Variants in RFTN1 observed in about 807,000 individuals in gnomAD.
RFTN1 encodes the protein raftlin.
Under a neutral mutation model 46.5 loss-of-function variants are expected in RFTN1, and 26 were observed. The ratio of observed to expected loss-of-function variants is 0.56; its 90% CI spans 0.41 to 0.78. The LOEUF is 0.78. Ranked by LOEUF, RFTN1 falls within the 30% of genes least tolerant of loss-of-function variation. RFTN1 has a pLI of 0.00. For synonymous variants in RFTN1, 261 were observed against 284.2 expected (o/e 0.92, Z 0.82); for missense variants, 693 against 718.7 (o/e 0.96, Z 0.41).
chr3:16,409,888 T>C (rs1344534828), intron 3 of RFTN1, among the ~76,000 whole-genome samples: 1 of 152,064 alleles, frequency 6.6e-6, no homozygotes, highest in African/African-American at 2.4e-5. Context: ...GGTTTCACCA[T>C]GTTGGACAGG....
chr3:16,368,390 G>C (rs475961), intron 6 of RFTN1, among the ~76,000 whole-genome samples: 1 of 152,020 alleles, frequency 6.6e-6, no homozygotes, highest in Non-Finnish European at 1.5e-5. Context: ...ACGTATATTC[G>C]GCCGGGCACA....
chr3:16,455,914 A>T (rs750771153), intron 2 of RFTN1, among the ~76,000 whole-genome samples: 2 of 152,230 alleles, frequency 1.3e-5, no homozygotes, highest in Admixed American at 6.5e-5. Context: ...TCCTCATGGA[A>T]ATTAGAAGAT....
At chr3:16,354,057 G>A (rs1475052288) in intron 7 of RFTN1, among the ~76,000 whole-genome samples, 1 of 152,218 alleles carries the variant, frequency 6.6e-6, no homozygotes, top group Non-Finnish European at 1.5e-5. Context: ...AGAAACACTA[G>A]TCTACCTTGG....
Position 16,400,660 on chromosome 3 carries a change from G to A in RFTN1, c.441+8715C>T, listed in dbSNP as rs2074578071. 6.6e-6 allele frequency among the ~76,000 whole-genome samples: 1 copy of A among 152,030 alleles called. No individual in the cohort carries two copies. On this transcript the variant is annotated intron_variant, in intron 4 of 9. Coordinates refer to ENST00000334133, the MANE Select transcript of RFTN1 (RefSeq NM_015150.2). The surrounding 1 kb of genome is among the most constrained non-coding windows in gnomAD (Gnocchi z 4.5). Reference sequence around the variant, plus strand: ...AGCACAAGAAAGTATCTCCTTTTTTGGGGAGTGATTGAGACAAGCGTATGA... The same window carrying A: ...AGCACAAGAAAGTATCTCCTTTTTTAGGGAGTGATTGAGACAAGCGTATGA...
At chr3:16,411,935 G>A (rs967033184) in intron 3 of RFTN1, among the ~76,000 whole-genome samples, 2 of 152,196 alleles carry the variant, frequency 1.3e-5, no homozygotes, top group African/African-American at 4.8e-5. Flanking sequence ...AAGTTGGTCT[G>A]TAAGCAACTC....
chr3:16,350,400 G>T (rs1406710456), intron 7 of RFTN1: 1 of 152,158 alleles, frequency 6.6e-6, no homozygotes, highest in Non-Finnish European at 1.5e-5. Flanking sequence ...TCATGGATGG[G>T]CGTGGGCATT....
chr3:16,441,087 T>C (rs1454125584), intron 2 of RFTN1, among the ~76,000 whole-genome samples: 2 of 152,188 alleles, frequency 1.3e-5, no homozygotes, highest in Non-Finnish European at 2.9e-5. Flanking sequence ...AAGTTTAGAA[T>C]CACATGATTG....
rs144168963 is a variant in RFTN1 at position 16,380,750 on chromosome 3, C to A, written c.442-2648G>T. Among the ~76,000 whole-genome samples the A allele has an allele frequency of 8.5e-5, 13 of 152,322 alleles. No homozygotes were observed. The East Asian group carries it at 2.5e-3, about 29-fold the overall frequency. ...AATGCAGCCTGATGTTTGAGAATCA[C>A]TGCTCTAGAATACACATTTCATGAG... is the stretch of plus-strand genomic sequence containing the variant. On this transcript the variant is annotated intron_variant, in intron 4 of 9. Coordinates refer to ENST00000334133, the MANE Select transcript of RFTN1 (RefSeq NM_015150.2). This position sits in a 1 kb window ranked among gnomAD's most constrained non-coding sequence, Gnocchi z 4.8.
Position 16,394,549 on chromosome 3 carries a change from G to C in RFTN1, c.441+14826C>G, listed in dbSNP as rs561539369. On this transcript the variant is annotated intron_variant, in intron 4 of 9. Coordinates refer to ENST00000334133, the MANE Select transcript of RFTN1 (RefSeq NM_015150.2). ...GTTAGAAGTTAGAGAGGCTTCCCTT[G>C]GAAGGGGAGTGGGGAATTGTGGGCG... Among the ~76,000 whole-genome samples the C allele has an allele frequency of 2.2e-4, 33 of 152,310 alleles. No homozygotes were observed. In the East Asian group the frequency reaches 5.0e-3, roughly 23 times the overall value.
intron 6 of RFTN1, among the ~76,000 whole-genome samples, chr3:16,365,997 G>A (rs2073143569): frequency 6.6e-6 from 1 of 152,160 alleles, no homozygotes; most frequent in African/African-American, 2.4e-5. Flanking sequence ...CTGAAACAAA[G>A]AGGTGGAGGA....
At position 16,409,355 on chromosome 3, in the gene RFTN1, AC is replaced by A. The variant is rs1189130312; in HGVS notation, c.441+19del. On this transcript the variant is annotated intron_variant, in intron 4 of 9. Coordinates refer to ENST00000334133, the MANE Select transcript of RFTN1 (RefSeq NM_015150.2). Reference sequence around the variant, plus strand: ...AACACTCGCAAACCTCTTCAATGGTACCCTGACTGTAGCGCTCACCTTCTTA... The same window carrying A: ...AACACTCGCAAACCTCTTCAATGGTACCTGACTGTAGCGCTCACCTTCTTA... The A allele has an allele frequency of 1.2e-5, 18 of 1,521,466 alleles. No individual in the cohort carries two copies. The highest frequency in any genetic ancestry group is 1.6e-5 in the Non-Finnish European group (18 of 1,096,072). The allele number at this position is 1,521,466 out of a possible 1,614,324, so 94.2% of individuals were successfully genotyped here. A position where few individuals can be genotyped will look rare whatever the true frequency, so the allele number is the denominator to read the frequency against.
intron 2 of RFTN1, among the ~76,000 whole-genome samples, chr3:16,453,746 A>G (rs573665647): frequency 2.1e-3 from 327 of 152,360 alleles, no homozygotes; most frequent in African/African-American, 7.6e-3. Context: ...CACAGTGGTT[A>G]CAAATATCAA....
intron 2 of RFTN1, among the ~76,000 whole-genome samples, chr3:16,436,788 T>C (rs2075525668): frequency 6.6e-6 from 1 of 152,252 alleles, no homozygotes; most frequent in African/African-American, 2.4e-5. Context: ...AATCTATTTG[T>C]ATAAAACACT....
chr3:16,419,278 G>C, intron 3 of RFTN1, among the ~76,000 whole-genome samples: 1 of 152,102 alleles, frequency 6.6e-6, no homozygotes, highest in East Asian at 1.9e-4. Context: ...AGAATAGTGG[G>C]AAACAAAGTT....
chr3:16,333,339 A>G (rs925919985), intron 7 of RFTN1, among the ~76,000 whole-genome samples: 2 of 152,234 alleles, frequency 1.3e-5, no homozygotes, highest in African/African-American at 2.4e-5. Context: ...AGGCAACTCA[A>G]AATTTTTGCT....
In RFTN1 at chr3:16,458,307, A is replaced by AT. The variant is rs1398583849; in HGVS notation, c.146-24271dup. 1.2e-4 allele frequency among the ~76,000 whole-genome samples: 19 copies of AT among 152,314 alleles called. No individual in the cohort carries two copies. Among genetic ancestry groups the AT allele is most frequent in the Non-Finnish European group, 2.1e-4 (14 of 68,028 alleles). Reference sequence around the variant, plus strand: ...AAGCATGGAAATAGATTGCTGCAGCATGTTCTGCTGTATTATTCAGGTCCA... The same window carrying AT: ...AAGCATGGAAATAGATTGCTGCAGCATTGTTCTGCTGTATTATTCAGGTCCA... On this transcript the variant is annotated intron_variant, in intron 2 of 9. Transcript: ENST00000334133. The surrounding 1 kb of genome is among the most constrained non-coding windows in gnomAD (Gnocchi z 5.1).
rs940183997 is a variant in RFTN1 at position 16,329,547 on chromosome 3, G to T, written c.1147-2671C>A. 6.6e-5 allele frequency among the ~76,000 whole-genome samples: 10 copies of T among 152,048 alleles called. No individual in the cohort carries two copies. The highest frequency in any genetic ancestry group is 2.4e-4 in the African/African-American group (10 of 41,396). Reference sequence around the variant, plus strand: ...CTTTCTGCCTGGCCTCTGGGCACACGCACACCTCCCTTCCAGACCAGCACA... The same window carrying T: ...CTTTCTGCCTGGCCTCTGGGCACACTCACACCTCCCTTCCAGACCAGCACA... On this transcript the variant is annotated intron_variant, in intron 7 of 9. Transcript: ENST00000334133. The surrounding 1 kb of genome is among the most constrained non-coding windows in gnomAD (Gnocchi z 4.5).
In RFTN1 at chr3:16,396,821, G is replaced by A. The variant is rs369153225; in HGVS notation, c.441+12554C>T. Among the ~76,000 whole-genome samples, 9 of 152,268 alleles carry A rather than the reference G, an allele frequency of 5.9e-5. No individual in the cohort carries two copies. The East Asian group carries it at 9.6e-4, about 16-fold the overall frequency. The stretch of plus-strand genomic sequence containing the variant: ...CTCACACCTGTAATCCCAGCACTTC[G>A]GGAAGCTGAGGTGGGCGGATCACCT... On this transcript the variant is annotated intron_variant, in intron 4 of 9. Transcript: ENST00000334133.
At chr3:16,375,743 A>AC (rs1403295060) in intron 5 of RFTN1, among the ~76,000 whole-genome samples, 4 of 152,154 alleles carry the variant, frequency 2.6e-5, no homozygotes, top group African/African-American at 9.7e-5. Flanking sequence ...CTCCTGGCCT[A>AC]CCCGTGCAGA....
Sources: allele counts gnomAD v4.1 joint callset (sites outside exome capture counted in the v4.1 genomes callset), GRCh38; gene constraint gnomAD v4.1.1; non-coding constraint Gnocchi (gnomAD v3.1); transcripts MANE v1.5; gene names NCBI Gene and HGNC (gene_info 2026-07-23, HGNC 2026-07-21).